Variants in MET observed in about 807,000 individuals in gnomAD.
The protein encoded by MET is hepatocyte growth factor receptor.
Under a neutral mutation model 133.1 loss-of-function variants are expected in MET, and 48 were observed. That is an observed-to-expected ratio of 0.36 (90% CI 0.29 to 0.46). MET has a LOEUF of 0.46. Among genes scored for constraint, MET ranks in the 20% least tolerant of loss-of-function variants. The pLI is 1.00. For synonymous variants in MET, 628 were observed against 616.5 expected (o/e 1.02, Z -0.28); for missense variants, 1,442 against 1,695.9 (o/e 0.85, Z 2.63).
intron 5 of MET, among the ~76,000 whole-genome samples, chr7:116,744,120 A>G (rs1032068467): frequency 1.3e-5 from 2 of 152,202 alleles, no homozygotes; most frequent in African/African-American, 4.8e-5. Flanking sequence ...AAAAACCAGA[A>G]CACCTCTTCT....
chr7:116,708,627 T>C (rs971853548), intron 2 of MET, among the ~76,000 whole-genome samples: 1 of 152,194 alleles, frequency 6.6e-6, no homozygotes, highest in South Asian at 2.1e-4. Context: ...GAAAATAATA[T>C]GTAGATTACT....
At chr7:116,763,360 G>T in intron 11 of MET, 92 bp downstream of exon 11, 1 of 1,151,430 alleles carries the variant, frequency 8.7e-7, no homozygotes, top group Non-Finnish European at 1.3e-6. Context: ...CTTGGCCATT[G>T]TATCTTATAC....
chr7:116,692,215 C>T (rs1796801969), intron 1 of MET, among the ~76,000 whole-genome samples: 2 of 152,250 alleles, frequency 1.3e-5, no homozygotes, highest in African/African-American at 4.8e-5. Context: ...CAGGATAATG[C>T]TTACCTTATA....
At chr7:116,726,922 G>C (rs1041538717) in intron 2 of MET, among the ~76,000 whole-genome samples, 14 of 152,260 alleles carry the variant, frequency 9.2e-5, no homozygotes, top group African/African-American at 3.4e-4. Flanking sequence ...TGGCTGGAAG[G>C]GCTGCCCAGA....
intron 4 of MET, 64 bp downstream of exon 4, chr7:116,740,148 G>A (rs2116829384): frequency 1.3e-6 from 2 of 1,582,752 alleles, no homozygotes. Context: ...TTTACAACCA[G>A]TGTCACTTGG....
chr7:116,736,280 G>A (rs1318484930), intron 3 of MET, among the ~76,000 whole-genome samples: 4 of 151,816 alleles, frequency 2.6e-5, no homozygotes, highest in African/African-American at 9.7e-5. Context: ...GAGGATATGG[G>A]GAGACTGGGA....
At chr7:116,791,599 T>A (rs1475972083) in intron 19 of MET, among the ~76,000 whole-genome samples, 1 of 152,198 alleles carries the variant, frequency 6.6e-6, no homozygotes, top group African/African-American at 2.4e-5. Context: ...TTGTTTCTTA[T>A]TGAATTGTTC....
At chr7:116,673,452 A>T (rs765537944) in intron 1 of MET, among the ~76,000 whole-genome samples, 1 of 152,216 alleles carries the variant, frequency 6.6e-6, no homozygotes, top group Non-Finnish European at 1.5e-5. Context: ...TTGCTATGTT[A>T]AGATGGTCCA....
chr7:116,680,712 T>G (rs1477030491), intron 1 of MET, among the ~76,000 whole-genome samples: 2 of 152,006 alleles, frequency 1.3e-5, no homozygotes, highest in Non-Finnish European at 2.9e-5. Flanking sequence ...GAGGCCAAGG[T>G]GGGTGGATGG....
chr7:116,689,559 C>CTT lies in MET; in HGVS notation c.-14-9486_-14-9485dup, dbSNP rs534819031. On this transcript the variant is annotated intron_variant, in intron 1 of 20. Coordinates refer to ENST00000397752, the MANE Select transcript of MET (RefSeq NM_000245.4). Reference sequence around the variant, plus strand: ...ATCTCAGTTGGGATATGGGCTTACTCTTTTTTTTTTTTTTTTTTTTTTTTT... The same window carrying CTT: ...ATCTCAGTTGGGATATGGGCTTACTCTTTTTTTTTTTTTTTTTTTTTTTTTTT... 1.1e-3 allele frequency among the ~76,000 whole-genome samples: 106 copies of CTT among 94,816 alleles called. 1 individual carries two copies. The highest frequency in any genetic ancestry group is 1.5e-3 in the African/African-American group (33 of 22,494). 62.2% of individuals were successfully genotyped at this position (94,816 alleles called of 152,430 possible).
chr7:116,701,178 G>T (rs763937238), intron 2 of MET, among the ~76,000 whole-genome samples: 13 of 152,180 alleles, frequency 8.5e-5, no homozygotes, highest in Non-Finnish European at 1.6e-4. Flanking sequence ...CACCTGGTCT[G>T]AGTGTTTATT....
intron 2 of MET, among the ~76,000 whole-genome samples, chr7:116,706,396 A>G (rs1037349391): frequency 3.9e-5 from 6 of 152,226 alleles, no homozygotes; most frequent in Non-Finnish European, 7.4e-5. Flanking sequence ...GATTTTTGTA[A>G]AGCCCAAATG....
At position 116,771,941 on chromosome 7, in the gene MET, G is replaced by T; in HGVS notation, c.2980G>T (p.Glu994Ter). 6.2e-7 allele frequency: 1 copy of T among 1,613,896 alleles called. No homozygotes were observed. Among genetic ancestry groups the T allele is most frequent in the Non-Finnish European group, 8.5e-7 (1 of 1,179,852 alleles). ...VSARSVSPTTEMVSNESVDYR... is the reference protein window; with the variant it reads ...VSARSVSPTT ...TGCCCGAAGTGTAAGCCCAACTACAGAAATGGTTTCAAATGAATCTGTAGA... is the reference window on the plus strand; with the variant it reads ...TGCCCGAAGTGTAAGCCCAACTACATAAATGGTTTCAAATGAATCTGTAGA... Residue 994 changes from glutamate to a stop codon, truncating the protein, a stop_gained, in exon 14 of 21, where the codon GAA becomes TAA. Transcript: ENST00000397752. LOFTEE classifies it high-confidence loss of function.
At position 116,740,963 on chromosome 7, in the gene MET, C is replaced by A. The variant is rs1047795344; in HGVS notation, c.1639C>A (p.Arg547=). Residue 547 remains arginine (R), a synonymous_variant, in exon 5 of 21, where the codon CGA becomes AGA. Transcript: ENST00000397752. ...TGGCTGGTGCCACGACAAATGTGTG[C>A]GATCGGAGGAATGCCTGAGCGGGAC... is the stretch of plus-strand genomic sequence containing the variant. The part of the protein sequence containing the change: ...QCGWCHDKCV[R]SEECLSGTWT... 1.9e-6 allele frequency: 3 copies of A among 1,613,908 alleles called. No individual in the cohort carries two copies. The highest frequency in any genetic ancestry group is 2.5e-6 in the Non-Finnish European group (3 of 1,179,978).
intron 14 of MET, among the ~76,000 whole-genome samples, chr7:116,774,030 GT>G (rs2117021102): frequency 6.6e-6 from 1 of 152,230 alleles, no homozygotes; most frequent in South Asian, 2.1e-4. Context: ...GTCAGTTGCT[GT>G]GGCTATGATG....
intron 11 of MET, among the ~76,000 whole-genome samples, chr7:116,769,381 G>A (rs1241473498): frequency 1.3e-5 from 2 of 152,182 alleles, no homozygotes; most frequent in Admixed American, 6.5e-5. Flanking sequence ...ATTTAAGGAT[G>A]TGAAGCAAGA....
chr7:116,753,026 C>T (rs530772513), intron 5 of MET, among the ~76,000 whole-genome samples: 1 of 152,220 alleles, frequency 6.6e-6, no homozygotes, highest in Non-Finnish European at 1.5e-5. Flanking sequence ...TTTGACTAGA[C>T]ATGGATGAGG....
intron 12 of MET, among the ~76,000 whole-genome samples, chr7:116,770,243 C>T (rs1794789472): frequency 6.6e-6 from 1 of 152,080 alleles, no homozygotes. Context: ...TAACTTTTTT[C>T]GTGTAGACAA....
chr7:116,760,614 A>T (rs1794363845), intron 10 of MET, among the ~76,000 whole-genome samples: 1 of 152,164 alleles, frequency 6.6e-6, no homozygotes, highest in South Asian at 2.1e-4. Context: ...TTCCTTTTAG[A>T]TTCTCCATCC....
Sources: gnomAD v4.1 joint callset for allele counts (sites outside exome capture counted in the v4.1 genomes callset) on GRCh38, gnomAD v4.1.1 for gene constraint, MANE v1.5 for transcripts, NCBI Gene and HGNC (gene_info 2026-07-23, HGNC 2026-07-21) for gene names.